The following MTUS2 variants were observed in gnomAD, a reference collection of about 807,000 sequenced individuals.
MTUS2 encodes microtubule-associated tumor suppressor candidate 2.
A neutral mutation model predicts 114.1 loss-of-function variants in MTUS2; 40 were observed. The observed-to-expected ratio is 0.35, with a 90% CI of 0.27 to 0.46. MTUS2 has a LOEUF of 0.46. MTUS2 is among the 20% of genes least tolerant of loss of function. MTUS2 has a pLI of 1.00. For synonymous variants in MTUS2, 688 were observed against 672.0 expected (o/e 1.02, Z -0.37); for missense variants, 1,679 against 1,705.4 (o/e 0.98, Z 0.27).
chr13:28,877,141 A>G (rs1877986538), intron 2 of MTUS2, among the ~76,000 whole-genome samples: 1 of 150,862 alleles, frequency 6.6e-6, no homozygotes, highest in African/African-American at 2.4e-5. Context: ...TACAAAAAAA[A>G]AAAACAACAA....
At chr13:29,042,586 C>T (rs756822348) in intron 4 of MTUS2, among the ~76,000 whole-genome samples, 43 of 152,190 alleles carry the variant, frequency 2.8e-4, no homozygotes, top group Admixed American at 5.2e-4. Context: ...ACTGTGAACT[C>T]GTCTGGTCCT....
At chr13:28,858,219 A>G (rs2138056133) in intron 2 of MTUS2, among the ~76,000 whole-genome samples, 1 of 152,262 alleles carries the variant, frequency 6.6e-6, no homozygotes, top group East Asian at 1.9e-4. Flanking sequence ...GGTATCTAGG[A>G]TTGAAAGACT....
chr13:28,988,589 G>A (rs185593478), intron 2 of MTUS2, among the ~76,000 whole-genome samples: 7 of 152,266 alleles, frequency 4.6e-5, no homozygotes, highest in Non-Finnish European at 8.8e-5. Context: ...AAATCTAAAT[G>A]TATACAGCCA....
intron 2 of MTUS2, among the ~76,000 whole-genome samples, chr13:28,908,745 T>G (rs181674562): frequency 6.6e-6 from 1 of 151,802 alleles, no homozygotes; most frequent in East Asian, 1.9e-4. Flanking sequence ...TGAATTCGTT[T>G]TAGACATGAG....
At chr13:29,452,624 T>A (rs1419451373) in intron 9 of MTUS2, among the ~76,000 whole-genome samples, 7 of 150,834 alleles carry the variant, frequency 4.6e-5, no homozygotes, top group Non-Finnish European at 8.9e-5. Flanking sequence ...ATATATATTT[T>A]GTAGAGACAG....
At chr13:28,822,982 C>T (rs371998659) in intron 1 of MTUS2, among the ~76,000 whole-genome samples, 5 of 152,312 alleles carry the variant, frequency 3.3e-5, no homozygotes, top group South Asian at 2.1e-4. Context: ...GCCTCGTGAT[C>T]GCACACACAT....
chr13:29,189,634 G>C (rs761590380), intron 5 of MTUS2, among the ~76,000 whole-genome samples: 8 of 150,964 alleles, frequency 5.3e-5, no homozygotes, highest in Non-Finnish European at 1.0e-4. Context: ...CTTTTATACT[G>C]TTCCACCATG....
intron 8 of MTUS2, among the ~76,000 whole-genome samples, chr13:29,419,425 C>T (rs1178661202): frequency 6.6e-6 from 1 of 152,108 alleles, no homozygotes; most frequent in Non-Finnish European, 1.5e-5. Context: ...GGTGGGAAGG[C>T]CATTTCCTCT....
chr13:29,157,846 AGATC>A (rs1466302679), intron 5 of MTUS2, among the ~76,000 whole-genome samples: 1 of 152,224 alleles, frequency 6.6e-6, no homozygotes, highest in Non-Finnish European at 1.5e-5. Context: ...ATATAGATAT[AGATC>A]GATCATGATT....
chr13:29,026,251 A>G lies in MTUS2; in HGVS notation c.1553A>G (p.Lys518Arg). 1 of 1,613,994 alleles carries G rather than the reference A, an allele frequency of 6.2e-7. No homozygotes were observed. The highest frequency in any genetic ancestry group is 8.5e-7 in the Non-Finnish European group (1 of 1,179,888). ...AGGAACCTTCTAGAGAATGCAGATA[A>G]GATTGAAAGCACCTCAGCAAGAGCA... The part of the protein sequence containing the change: ...ENRNLLENAD[K>R]IESTSARADS... The change falls in exon 3 of 16, where the codon AAG becomes AGG. Residue 518 changes from lysine to arginine, a missense_variant. Lys to Arg is a conservative substitution (Grantham distance 26, BLOSUM62 2). This residue lies in a region of MTUS2 where 843 missense variants were observed against 770.8 expected (regional missense o/e 1.09). Coordinates refer to ENST00000612955, the MANE Select transcript of MTUS2 (RefSeq NM_001033602.4).
rs141043541 is a variant in MTUS2, at chr13:28,827,059, G to T, written c.-316+6448G>T. On this transcript the variant is annotated intron_variant, in intron 1 of 15. Coordinates refer to ENST00000612955, the MANE Select transcript of MTUS2 (RefSeq NM_001033602.4). ...CACAAATAATTGTGTTCTCAGGTTGGAAATGTTGCCACATATTAAGCCAAA... is the reference window on the plus strand; with the variant it reads ...CACAAATAATTGTGTTCTCAGGTTGTAAATGTTGCCACATATTAAGCCAAA... Among the ~76,000 whole-genome samples the T allele has an allele frequency of 1.7e-4, 26 of 152,314 alleles. No individual in the cohort carries two copies. In the East Asian group the frequency reaches 5.0e-3, roughly 29 times the overall value.
intron 2 of MTUS2, among the ~76,000 whole-genome samples, chr13:28,999,853 A>G (rs936726815): frequency 6.6e-5 from 10 of 152,214 alleles, no homozygotes; most frequent in Non-Finnish European, 8.8e-5. Context: ...GATTCCATAT[A>G]TGAGTGACAT....
chr13:28,901,824 A>G (rs944624843), intron 2 of MTUS2, among the ~76,000 whole-genome samples: 1 of 152,128 alleles, frequency 6.6e-6, no homozygotes, highest in Non-Finnish European at 1.5e-5. Flanking sequence ...CAAGATTATT[A>G]TGGTAGGGTT....
At chr13:29,154,974 G>A (rs573570063) in intron 5 of MTUS2, among the ~76,000 whole-genome samples, 80 of 152,342 alleles carry the variant, frequency 5.3e-4, no homozygotes, top group Non-Finnish European at 1.0e-3. Context: ...AAGAAGGTAA[G>A]TTTAACTGAT....
chr13:29,367,720 C>A (rs1010367113), intron 8 of MTUS2, among the ~76,000 whole-genome samples: 1 of 152,132 alleles, frequency 6.6e-6, no homozygotes, highest in South Asian at 2.1e-4. Context: ...CCCACCCCAC[C>A]CCAGCCCCAG....
At chr13:28,960,678 T>G (rs181946490) in intron 2 of MTUS2, among the ~76,000 whole-genome samples, 30 of 152,248 alleles carry the variant, frequency 2.0e-4, no homozygotes, top group Non-Finnish European at 3.4e-4. Flanking sequence ...GAAAATAGAT[T>G]AGTGGTTTCC....
intron 9 of MTUS2, among the ~76,000 whole-genome samples, chr13:29,469,846 T>TA (rs542041385): frequency 2.0e-4 from 29 of 148,592 alleles, no homozygotes; most frequent in Admixed American, 2.7e-4. Flanking sequence ...TTAGTTTTTT[T>TA]AAAAAAAAAA....
chr13:29,029,184 G>A (rs367916934), intron 3 of MTUS2, among the ~76,000 whole-genome samples: 4 of 152,218 alleles, frequency 2.6e-5, no homozygotes, highest in African/African-American at 7.2e-5. Context: ...TGATTATAAC[G>A]GACTTCCTAC....
intron 2 of MTUS2, among the ~76,000 whole-genome samples, chr13:28,979,705 A>T (rs922592299): frequency 2.6e-5 from 4 of 152,176 alleles, no homozygotes; most frequent in African/African-American, 7.2e-5. Flanking sequence ...TGGAAAGGGA[A>T]TCTGGGAGAG....
Sources: allele counts gnomAD v4.1 joint callset (sites outside exome capture counted in the v4.1 genomes callset), GRCh38; gene constraint gnomAD v4.1.1; regional missense constraint gnomAD v4.1.1; transcripts MANE v1.5; gene names NCBI Gene and HGNC (gene_info 2026-07-23, HGNC 2026-07-21).